RPRD1A: variants seen among roughly 807,000 people sequenced by gnomAD.
RPRD1A encodes regulation of nuclear pre-mRNA domain-containing protein 1A.
A neutral mutation model predicts 37.8 loss-of-function variants in RPRD1A; 9 were observed. The ratio of observed to expected loss-of-function variants is 0.24; its 90% CI spans 0.14 to 0.42. RPRD1A has a LOEUF of 0.42. Among genes scored for constraint, RPRD1A ranks in the 10% least tolerant of loss-of-function variants. RPRD1A has a pLI of 1.00. For synonymous variants in RPRD1A, 138 were observed against 139.7 expected (o/e 0.99, Z 0.08); for missense variants, 255 against 371.0 (o/e 0.69, Z 2.57).
At chr18:36,028,532 T>A (rs1234295265) in intron 4 of RPRD1A, among the ~76,000 whole-genome samples, 1 of 152,208 alleles carries the variant, frequency 6.6e-6, no homozygotes. Flanking sequence ...AATCTGGCTT[T>A]ATTGTCTTGG....
chr18:36,047,208 GAAAT>G (rs111354358), intron 1 of RPRD1A, among the ~76,000 whole-genome samples: 56 of 149,980 alleles, frequency 3.7e-4, no homozygotes, highest in African/African-American at 5.2e-4. Context: ...ACCCTGTCTC[GAAAT>G]AAATAAATAA....
In RPRD1A at chr18:36,027,032, C is replaced by G. The variant is rs202026701; in HGVS notation, c.657G>C (p.Ala219=). The change falls in exon 6 of 7, where the codon GCG becomes GCC. Residue 219 remains alanine, a synonymous_variant. Coordinates refer to ENST00000399022, the MANE Select transcript of RPRD1A (RefSeq NM_018170.5). ...CATTGTAATCTGCCAGCAACATACA[C>G]GCATCCTCTACCATTTTGGAAAGCC... ...GERLSKMVED[A]CMLLADYNGR... 1.9e-6 allele frequency: 3 copies of G among 1,613,856 alleles called. No homozygotes were observed. In the African/African-American group the frequency reaches 4.0e-5, roughly 22 times the overall value.
At chr18:36,053,892 TGAAG>T (rs1296253312) in intron 1 of RPRD1A, among the ~76,000 whole-genome samples, 1 of 151,864 alleles carries the variant, frequency 6.6e-6, no homozygotes, top group Non-Finnish European at 1.5e-5. Context: ...GAGAAAACTA[TGAAG>T]GAAGGGGTTG....
intron 6 of RPRD1A, among the ~76,000 whole-genome samples, chr18:36,022,643 T>C (rs1053445058): frequency 6.6e-6 from 1 of 152,240 alleles, no homozygotes; most frequent in Non-Finnish European, 1.5e-5. Flanking sequence ...TACTGAGTAT[T>C]TTAAGCCAAC....
rs1911436965 is a variant in RPRD1A, at chr18:36,027,278, C to T, written c.519G>A (p.Leu173=). The T allele has an allele frequency of 6.2e-7, 1 of 1,613,702 alleles. No homozygotes were observed. The highest frequency in any genetic ancestry group is 8.5e-7 in the Non-Finnish European group (1 of 1,179,798). Residue 173 remains leucine (L), a synonymous_variant, in exon 5 of 7, where the codon CTG becomes CTA. Transcript: ENST00000399022. The part of the protein sequence containing the change: ...TLDLVRALQD[L]ENAASGDAAV... ...CTGCATCACCTGAGGCTGCATTTTC[C>T]AGATCTTGTAATGCTCTAACGAGAT...
At chr18:36,037,338 A>T (rs911975908) in intron 1 of RPRD1A, among the ~76,000 whole-genome samples, 1 of 152,088 alleles carries the variant, frequency 6.6e-6, no homozygotes, top group Non-Finnish European at 1.5e-5. Flanking sequence ...TTCTCATGAG[A>T]TCTGATGGTT....
At chr18:36,040,344 A>G (rs2082027756) in intron 1 of RPRD1A, among the ~76,000 whole-genome samples, 2 of 152,252 alleles carry the variant, frequency 1.3e-5, no homozygotes, top group South Asian at 2.1e-4. Context: ...TACTTAAGCC[A>G]TATGTGTAAA....
Position 36,067,356 on chromosome 18 carries a change from T to C in RPRD1A, c.49A>G (p.Ser17Gly). The change falls in exon 1 of 7, where the codon AGC becomes GGC. Residue 17 changes from serine to glycine, a missense_variant. Ser to Gly is a moderately conservative substitution (Grantham distance 56). Coordinates refer to ENST00000399022, the MANE Select transcript of RPRD1A (RefSeq NM_018170.5). ...AALEKKLSEL[S>G]NSQQSVQTLS... ...GTCTGCACGCTCTGCTGCGAGTTGC[T>C]CAACTCCGACAGCTTCTTCTCCAGC... 6.2e-7 allele frequency: 1 copy of C among 1,608,498 alleles called. No individual in the cohort carries two copies. Among genetic ancestry groups the C allele is most frequent in the Non-Finnish European group, 8.5e-7 (1 of 1,177,696 alleles).
chr18:36,012,375 G>T (rs970279612), intron 6 of RPRD1A, among the ~76,000 whole-genome samples: 1 of 152,096 alleles, frequency 6.6e-6, no homozygotes, highest in Non-Finnish European at 1.5e-5. Context: ...TTTATTGTTA[G>T]AATATACTCT....
chr18:36,048,643 TAAAA>T (rs756604231), intron 1 of RPRD1A, among the ~76,000 whole-genome samples: 1 of 116,274 alleles, frequency 8.6e-6, no homozygotes, highest in Admixed American at 8.7e-5. Flanking sequence ...AAAAAGCACC[TAAAA>T]AAAAAAAAGA....
At chr18:36,011,008 A>G (rs1455910957) in intron 6 of RPRD1A, among the ~76,000 whole-genome samples, 2 of 152,230 alleles carry the variant, frequency 1.3e-5, no homozygotes, top group East Asian at 3.8e-4. Context: ...AAAATACTAC[A>G]GACATCTGAA....
chr18:36,034,902 CATATACTAAGTCACAACTGATCA>C (rs1327177084), intron 1 of RPRD1A, among the ~76,000 whole-genome samples: 1 of 152,234 alleles, frequency 6.6e-6, no homozygotes, highest in Non-Finnish European at 1.5e-5. Flanking sequence ...CCAACCTTCT[CATATACTAAGTCACAACTGATCA>C]AACTTTACAA....
chr18:36,015,214 T>A lies in RPRD1A; in HGVS notation c.789+11686A>T, dbSNP rs58374553. 3.3e-3 allele frequency among the ~76,000 whole-genome samples: 393 copies of A among 119,304 alleles called. 14 individuals carry two copies. In the East Asian group the frequency reaches 0.073, roughly 22 times the overall value. The allele number at this position is 119,304 out of a possible 152,430, so 78.3% of individuals were successfully genotyped here. ...CACACACACACACACATTCACATAC[T>A]TTTTTTTTTTTTTTTTGAGACAGAG... On this transcript the variant is annotated intron_variant, in intron 6 of 6. Transcript: ENST00000399022.
chr18:36,014,726 A>C (rs1368075124), intron 6 of RPRD1A, among the ~76,000 whole-genome samples: 1 of 152,124 alleles, frequency 6.6e-6, no homozygotes, highest in Non-Finnish European at 1.5e-5. Context: ...CTGGGCAACA[A>C]AGCGAGACTC....
chr18:36,019,543 A>C (rs925240197), intron 6 of RPRD1A, among the ~76,000 whole-genome samples: 1 of 152,224 alleles, frequency 6.6e-6, no homozygotes, highest in African/African-American at 2.4e-5. Flanking sequence ...AACCACTTAG[A>C]CAGGGGTGGT....
chr18:36,015,251 C>T (rs543365647), intron 6 of RPRD1A, among the ~76,000 whole-genome samples: 4 of 149,258 alleles, frequency 2.7e-5, no homozygotes, highest in Non-Finnish European at 5.9e-5. Flanking sequence ...CCCACTCTGT[C>T]GCCCAGGCTA....
intron 6 of RPRD1A, among the ~76,000 whole-genome samples, chr18:36,023,573 G>A (rs565093961): frequency 1.3e-5 from 2 of 152,318 alleles, no homozygotes; most frequent in South Asian, 2.1e-4. Context: ...TTCTAATTTT[G>A]AAAGCAGTTC....
intron 6 of RPRD1A, among the ~76,000 whole-genome samples, chr18:36,016,351 C>T (rs1274755954): frequency 6.6e-6 from 1 of 152,096 alleles, no homozygotes; most frequent in Non-Finnish European, 1.5e-5. Flanking sequence ...GCCTCCCGAG[C>T]AGCTAGGATT....
At chr18:36,008,575 G>GTATATATATATATATA (rs201194752) in intron 6 of RPRD1A, among the ~76,000 whole-genome samples, 1,618 of 42,304 alleles carry the variant, frequency 0.038, 103 homozygotes, top group Middle Eastern at 0.07. Context: ...GACCTTGTGT[G>GTATATATATATATATA]TGTATATATA....
Sources: allele counts gnomAD v4.1 joint callset (sites outside exome capture counted in the v4.1 genomes callset), GRCh38; gene constraint gnomAD v4.1.1; transcripts MANE v1.5; gene names NCBI Gene and HGNC (gene_info 2026-07-23, HGNC 2026-07-21).